The following DCUN1D1 variants were observed in gnomAD, a reference collection of about 807,000 sequenced individuals.
DCUN1D1 encodes the protein DCN1-like protein 1.
Under a neutral mutation model 39.0 loss-of-function variants are expected in DCUN1D1, and 3 were observed. The observed-to-expected ratio is 0.08, with a 90% CI of 0.04 to 0.20. The LOEUF (loss-of-function observed/expected upper bound fraction) is 0.20. Among genes scored for constraint, DCUN1D1 ranks in the 10% least tolerant of loss-of-function variants. The probability of loss-of-function intolerance (pLI) is 1.00; values close to 1 mark genes in which losing one functional copy is unlikely to be tolerated. For missense variants in DCUN1D1, 158 were observed against 302.4 expected, an observed-to-expected ratio of 0.52 and a Z score of 3.54; for synonymous variants, 82 against 96.3, an observed-to-expected ratio of 0.85 and a Z score of 0.87.
intron 2 of DCUN1D1, among the ~76,000 whole-genome samples, chr3:182,965,159 T>C (rs1193936423): frequency 6.6e-6 from 1 of 152,212 alleles, no homozygotes; most frequent in Non-Finnish European, 1.5e-5. Flanking sequence ...GACAAACTAT[T>C]AACCTTTTCT....
At chr3:182,949,207 A>C (rs1279074965) in intron 4 of DCUN1D1, among the ~76,000 whole-genome samples, 1 of 151,904 alleles carries the variant, frequency 6.6e-6, no homozygotes, top group Admixed American at 6.6e-5. Flanking sequence ...CTAAAAATAC[A>C]AAAAAATTAG....
intron 1 of DCUN1D1, among the ~76,000 whole-genome samples, chr3:182,977,835 T>C (rs1371792335): frequency 6.6e-5 from 10 of 151,134 alleles, no homozygotes; most frequent in East Asian, 5.9e-4. Context: ...AAGTCAAGAG[T>C]TCGAGACCAG....
At chr3:182,948,454 C>T (rs1726529385) in intron 4 of DCUN1D1, among the ~76,000 whole-genome samples, 1 of 152,150 alleles carries the variant, frequency 6.6e-6, no homozygotes, top group South Asian at 2.1e-4. Context: ...CAGAGAACTA[C>T]ACTTATCACA....
At chr3:182,985,036 A>G (rs976095042), upstream of DCUN1D1, among the ~76,000 whole-genome samples, 1 of 152,252 alleles carries the variant, frequency 6.6e-6, no homozygotes, top group Non-Finnish European at 1.5e-5. Flanking sequence ...TTATAAATAC[A>G]TAAGGGTAAA....
In DCUN1D1 at chr3:182,945,095, T is replaced by C. The variant is rs1384339818; in HGVS notation, c.779A>G (p.Ter260TrpextTer2). 1 of 1,612,218 alleles carries C rather than the reference T, an allele frequency of 6.2e-7. No homozygotes were observed. The highest frequency in any genetic ancestry group is 1.7e-5 in the Admixed American group (1 of 59,934). The change falls in exon 7 of 7, where the codon TAG becomes TGG. Residue 260 changes from the stop codon to tryptophan, a stop_lost. Coordinates refer to ENST00000292782, the MANE Select transcript of DCUN1D1 (RefSeq NM_020640.4). ...ACATTCTAGAAGGTTCCTTTAGTGC[T>C]ACACTGTTGTACTTTTTGTCCCAGC... is the stretch of plus-strand genomic sequence containing the variant. ...QIAGTKSTTV* is the reference protein window; with the variant it reads ...QIAGTKSTTVW
At chr3:182,977,212 C>T (rs1458543680) in intron 1 of DCUN1D1, among the ~76,000 whole-genome samples, 1 of 152,192 alleles carries the variant, frequency 6.6e-6, no homozygotes, top group Non-Finnish European at 1.5e-5. Flanking sequence ...CTGCAACCAA[C>T]AATCCTGCAA....
At chr3:182,952,681 G>A (rs1474145767) in intron 4 of DCUN1D1, among the ~76,000 whole-genome samples, 4 of 151,930 alleles carry the variant, frequency 2.6e-5, no homozygotes, top group East Asian at 1.9e-4. Flanking sequence ...AGGTCATTAC[G>A]ACAAAAACCC....
At chr3:182,951,218 T>A (rs1258634821) in intron 4 of DCUN1D1, among the ~76,000 whole-genome samples, 1 of 152,072 alleles carries the variant, frequency 6.6e-6, no homozygotes, top group African/African-American at 2.4e-5. Flanking sequence ...TGTGCTTAAT[T>A]CACTTCACTT....
intron 1 of DCUN1D1, among the ~76,000 whole-genome samples, chr3:182,972,084 A>C (rs1727972352): frequency 6.9e-6 from 1 of 145,690 alleles, no homozygotes; most frequent in Non-Finnish European, 1.5e-5. Flanking sequence ...GTTGGGGGTA[A>C]GAAGGAGAAA....
intron 3 of DCUN1D1, among the ~76,000 whole-genome samples, chr3:182,961,720 C>T (rs1205237654): frequency 6.6e-6 from 1 of 152,176 alleles, no homozygotes; most frequent in African/African-American, 2.4e-5. Context: ...ACACTACTGA[C>T]ACAGTAATTA....
At chr3:182,974,704 G>A (rs1345388715) in intron 1 of DCUN1D1, among the ~76,000 whole-genome samples, 1 of 151,678 alleles carries the variant, frequency 6.6e-6, no homozygotes, top group African/African-American at 2.4e-5. Flanking sequence ...ATAAGGGAAT[G>A]GGCTGTGTAC....
intron 4 of DCUN1D1, among the ~76,000 whole-genome samples, chr3:182,960,085 T>C (rs1384003666): frequency 2.0e-5 from 3 of 152,174 alleles, no homozygotes; most frequent in African/African-American, 7.2e-5. Context: ...TCTTTGTAAG[T>C]TACCCAGTCT....
At chr3:182,970,896 A>T (rs1175434565) in intron 1 of DCUN1D1, among the ~76,000 whole-genome samples, 7 of 152,226 alleles carry the variant, frequency 4.6e-5, no homozygotes, top group African/African-American at 1.7e-4. Context: ...CGAAGTCAAA[A>T]GTGCAGGAAA....
intron 1 of DCUN1D1, among the ~76,000 whole-genome samples, chr3:182,979,085 A>G (rs1280518529): frequency 6.6e-6 from 1 of 152,200 alleles, no homozygotes; most frequent in African/African-American, 2.4e-5. Context: ...ATGACCATCT[A>G]AATACTTAAG....
At chr3:182,956,935 T>C (rs910665052) in intron 4 of DCUN1D1, among the ~76,000 whole-genome samples, 1 of 152,220 alleles carries the variant, frequency 6.6e-6, no homozygotes, top group Non-Finnish European at 1.5e-5. Flanking sequence ...TGAAAGAAAT[T>C]GGAAATGTGT....
chr3:182,959,402 T>C (rs1015139268), intron 4 of DCUN1D1, among the ~76,000 whole-genome samples: 3 of 150,808 alleles, frequency 2.0e-5, no homozygotes, highest in African/African-American at 7.3e-5. Flanking sequence ...GTTCATATAA[T>C]CTGTTTCTCA....
intron 4 of DCUN1D1, among the ~76,000 whole-genome samples, chr3:182,950,211 A>C (rs1726636664): frequency 6.6e-6 from 1 of 151,514 alleles, no homozygotes; most frequent in Non-Finnish European, 1.5e-5. Context: ...GCTGTGGTGC[A>C]ATCTCGGTTC....
upstream of DCUN1D1, chr3:182,980,568 A>T (rs1728494949): frequency 8.5e-7 from 1 of 1,172,562 alleles, no homozygotes; most frequent in Non-Finnish European, 1.1e-6. Context: ...GGCTCCTCTC[A>T]CGGGCTTGCC....
intron 1 of DCUN1D1, among the ~76,000 whole-genome samples, chr3:182,967,595 C>G (rs1461433201): frequency 6.6e-6 from 1 of 152,216 alleles, no homozygotes; most frequent in African/African-American, 2.4e-5. Context: ...ATCTCAACCT[C>G]TGTACTCCAC....
Sources: gnomAD v4.1 joint callset for allele counts (sites outside exome capture counted in the v4.1 genomes callset) on GRCh38, gnomAD v4.1.1 for gene constraint, MANE v1.5 for transcripts, NCBI Gene and HGNC (gene_info 2026-07-23, HGNC 2026-07-21) for gene names.